SPATA13: variants seen among roughly 807,000 people sequenced by gnomAD.
SPATA13 encodes the protein spermatogenesis-associated protein 13.
A neutral mutation model predicts 104.0 loss-of-function variants in SPATA13; 50 were observed. That is an observed-to-expected ratio of 0.48 (90% confidence interval 0.38 to 0.61). SPATA13 has a LOEUF of 0.61. Ranked by LOEUF, SPATA13 falls within the 20% of genes least tolerant of loss-of-function variation. SPATA13 has a pLI of 0.00. For missense variants in SPATA13, 1,524 were observed against 1,690.6 expected, an observed-to-expected ratio of 0.90 and a Z score of 1.73; for synonymous variants, 606 against 667.5, an observed-to-expected ratio of 0.91 and a Z score of 1.42.
At chr13:24,032,318 A>G (rs1007655825) in intron 3 of SPATA13, among the ~76,000 whole-genome samples, 33 of 152,202 alleles carry the variant, frequency 2.2e-4, no homozygotes, top group African/African-American at 8.0e-4. Flanking sequence ...GCAATACCAC[A>G]TAGCAGTGGT....
At chr13:24,136,317 A>G (rs911529703) in intron 3 of SPATA13, among the ~76,000 whole-genome samples, 1 of 152,084 alleles carries the variant, frequency 6.6e-6, no homozygotes, top group Non-Finnish European at 1.5e-5. Context: ...TCTCTACTAA[A>G]AATACAAAAT....
chr13:24,152,722 C>T (rs1443679831), intron 3 of SPATA13, among the ~76,000 whole-genome samples: 1 of 152,096 alleles, frequency 6.6e-6, no homozygotes, highest in Non-Finnish European at 1.5e-5. Context: ...ATATGAGCTG[C>T]TCATTCATCA....
intron 11 of SPATA13, among the ~76,000 whole-genome samples, chr13:24,299,278 T>G (rs1045534020): frequency 6.6e-6 from 1 of 152,182 alleles, no homozygotes; most frequent in South Asian, 2.1e-4. Flanking sequence ...AGGGGCCCGA[T>G]GTGGTGCCCT....
chr13:24,130,259 C>T (rs1471404419), intron 3 of SPATA13, among the ~76,000 whole-genome samples: 3 of 152,208 alleles, frequency 2.0e-5, no homozygotes, highest in Non-Finnish European at 4.4e-5. Context: ...TGGCTTCACA[C>T]ACACGGCCAG....
chr13:24,104,103 A>C (rs531420453), intron 3 of SPATA13, among the ~76,000 whole-genome samples: 2 of 152,178 alleles, frequency 1.3e-5, no homozygotes, highest in South Asian at 4.2e-4. Flanking sequence ...ACTGTTAGAG[A>C]GCTGTAGATG....
At chr13:24,038,068 T>G (rs187904286) in intron 3 of SPATA13, among the ~76,000 whole-genome samples, 4 of 152,004 alleles carry the variant, frequency 2.6e-5, no homozygotes, top group East Asian at 1.9e-4. Context: ...CCTGCCACCA[T>G]GCCCAGCTAA....
Position 24,286,689 on chromosome 13 carries a change from C to G in SPATA13, c.2482-76C>G. 1 of 1,400,374 alleles carries G rather than the reference C, an allele frequency of 7.1e-7. No individual in the cohort carries two copies. Among genetic ancestry groups the G allele is most frequent in the Non-Finnish European group, 9.8e-7 (1 of 1,022,978 alleles). 86.7% of individuals were successfully genotyped at this position (1,400,374 alleles called of 1,614,324 possible). On this transcript the variant is annotated intron_variant, in intron 6 of 12. Coordinates refer to ENST00000382108, the MANE Select transcript of SPATA13 (RefSeq NM_001166271.3). This position sits in a 1 kb window ranked among gnomAD's most constrained non-coding sequence, Gnocchi z 4.9. ...TAACAGGTCACAGGAAAGTAGGAAC[C>G]TGGGAGGTCTCCTGCCTCTGCTCCA... is the stretch of plus-strand genomic sequence containing the variant.
At chr13:24,149,108 T>C (rs899091758) in intron 3 of SPATA13, among the ~76,000 whole-genome samples, 2 of 152,200 alleles carry the variant, frequency 1.3e-5, no homozygotes, top group Non-Finnish European at 2.9e-5. Flanking sequence ...GAAGAAGCCA[T>C]GGGGCAGATG....
At chr13:24,158,724 G>A (rs1437524826), upstream of SPATA13, among the ~76,000 whole-genome samples, 4 of 149,722 alleles carry the variant, frequency 2.7e-5, no homozygotes, top group African/African-American at 5.1e-5. Flanking sequence ...TAAGTTGATA[G>A]ATAGTAAGAG....
chr13:24,052,843 CACTGTG>C (rs1555257407), intron 3 of SPATA13, among the ~76,000 whole-genome samples: 24 of 123,466 alleles, frequency 1.9e-4, no homozygotes, highest in South Asian at 3.1e-4. Context: ...TCCTCCCCGC[CACTGTG>C]CCCTGCCCAC....
At chr13:24,257,482 T>G (rs900094232) in intron 4 of SPATA13, among the ~76,000 whole-genome samples, 2 of 152,308 alleles carry the variant, frequency 1.3e-5, no homozygotes, top group African/African-American at 4.8e-5. Context: ...TGAGGTACAA[T>G]AATAGCTAGA....
intron 2 of SPATA13, among the ~76,000 whole-genome samples, chr13:24,005,433 A>G (rs923121261): frequency 2.6e-5 from 4 of 152,340 alleles, no homozygotes; most frequent in Admixed American, 2.0e-4. Flanking sequence ...TAGCAGGGTA[A>G]GCCCAGGACA....
intron 1 of SPATA13, among the ~76,000 whole-genome samples, chr13:24,193,173 A>T (rs1869868083): frequency 6.6e-6 from 1 of 152,090 alleles, no homozygotes; most frequent in African/African-American, 2.4e-5. Context: ...TGGGCGCTGG[A>T]TGGATAGGAG....
chr13:23,989,576 C>A (rs1025473295), intron 2 of SPATA13, among the ~76,000 whole-genome samples: 2 of 152,154 alleles, frequency 1.3e-5, no homozygotes, highest in African/African-American at 4.8e-5. Context: ...AAAACTCAAA[C>A]TCAACATGCC....
intron 3 of SPATA13, among the ~76,000 whole-genome samples, chr13:24,087,539 A>G (rs1456235101): frequency 6.6e-6 from 1 of 152,234 alleles, no homozygotes; most frequent in Non-Finnish European, 1.5e-5. Context: ...GCACCTATGC[A>G]GGTGAAAATC....
chr13:24,170,641 G>A (rs566021561), intron 1 of SPATA13, among the ~76,000 whole-genome samples: 1 of 152,158 alleles, frequency 6.6e-6, no homozygotes, highest in African/African-American at 2.4e-5. Flanking sequence ...TGGAACACCT[G>A]TCTCCTGAGA....
intron 3 of SPATA13, among the ~76,000 whole-genome samples, chr13:24,136,047 C>T (rs2138450198): frequency 6.6e-6 from 1 of 152,312 alleles, no homozygotes; most frequent in South Asian, 2.1e-4. Flanking sequence ...GCAGCAGCCT[C>T]AGAATTTGCT....
chr13:24,258,309 G>A (rs1337364491), intron 4 of SPATA13, among the ~76,000 whole-genome samples: 2 of 142,822 alleles, frequency 1.4e-5, no homozygotes, highest in African/African-American at 2.6e-5. Flanking sequence ...TCACAGATGT[G>A]TGAAATTGGT....
chr13:24,279,508 G>A (rs1043137479), intron 4 of SPATA13, among the ~76,000 whole-genome samples: 11 of 152,158 alleles, frequency 7.2e-5, no homozygotes, highest in Admixed American at 1.3e-4. Flanking sequence ...GAGGGAGCCC[G>A]AAGCTGGATG....
Sources: gnomAD v4.1 joint callset for allele counts (sites outside exome capture counted in the v4.1 genomes callset) on GRCh38, gnomAD v4.1.1 for gene constraint, Gnocchi (gnomAD v3.1) non-coding constraint, MANE v1.5 for transcripts, NCBI Gene and HGNC (gene_info 2026-07-23, HGNC 2026-07-21) for gene names.